Variants in PDXDC1 observed in about 807,000 individuals in gnomAD.
PDXDC1 encodes pyridoxal dependent decarboxylase domain containing 1, also known as pyridoxal-dependent decarboxylase domain-containing protein 1.
PDXDC1 carries 42 observed loss-of-function variants against 100.1 expected under a neutral mutation model. That is an observed-to-expected ratio of 0.42 (90% CI 0.33 to 0.54). The LOEUF (loss-of-function observed/expected upper bound fraction) is 0.54. Among genes scored for constraint, PDXDC1 ranks in the 20% least tolerant of loss-of-function variants. The pLI is 0.10. For synonymous variants in PDXDC1, 260 were observed against 371.7 expected (o/e 0.70, Z 3.46); for missense variants, 636 against 979.2 (o/e 0.65, Z 4.68).
intron 16 of PDXDC1, among the ~76,000 whole-genome samples, chr16:15,117,283 A>G (rs2047263835): frequency 1.3e-5 from 1 of 79,376 alleles, no homozygotes; most frequent in African/African-American, 5.2e-5. Context: ...AAATAAATAA[A>G]TAAATAAAAT....
chr16:15,057,273 C>G (rs1231135688), intron 16 of PDXDC1, among the ~76,000 whole-genome samples: 1 of 152,038 alleles, frequency 6.6e-6, no homozygotes, highest in Non-Finnish European at 1.5e-5. Flanking sequence ...CAAAATAACT[C>G]TATTTCTAGC....
At chr16:15,073,822 T>C (rs2045340740) in intron 16 of PDXDC1, among the ~76,000 whole-genome samples, 1 of 152,172 alleles carries the variant, frequency 6.6e-6, no homozygotes, top group South Asian at 2.1e-4. Context: ...TCTTGTTATG[T>C]TGCCCAGGAT....
At chr16:15,006,908 G>A (rs1597447004) in intron 6 of PDXDC1, among the ~76,000 whole-genome samples, 2 of 152,266 alleles carry the variant, frequency 1.3e-5, no homozygotes, top group African/African-American at 4.8e-5. Flanking sequence ...ATTTTTCAAA[G>A]TATAGTTTAT....
intron 1 of PDXDC1, among the ~76,000 whole-genome samples, chr16:14,978,391 A>G (rs1967179897): frequency 2.0e-5 from 3 of 152,290 alleles, no homozygotes; most frequent in African/African-American, 7.2e-5. Flanking sequence ...AAAACCTGTT[A>G]TATTATTATT....
At chr16:15,020,605 C>T (rs1451749126) in intron 12 of PDXDC1, among the ~76,000 whole-genome samples, 1 of 151,694 alleles carries the variant, frequency 6.6e-6, no homozygotes, top group African/African-American at 2.4e-5. Context: ...AGGAGAATGG[C>T]GTGAACCCAG....
chr16:14,992,944 C>T, intron 1 of PDXDC1, among the ~76,000 whole-genome samples: 1 of 152,188 alleles, frequency 6.6e-6, no homozygotes, highest in Non-Finnish European at 1.5e-5. Flanking sequence ...CTCAAACTCC[C>T]AGGCTCAAGC....
chr16:14,980,019 C>T (rs1967604126), intron 1 of PDXDC1, among the ~76,000 whole-genome samples: 1 of 152,284 alleles, frequency 6.6e-6, no homozygotes, highest in Non-Finnish European at 1.5e-5. Context: ...GTTTTGCATA[C>T]AGATGCATGG....
At chr16:14,995,478 C>T (rs1464523948) in intron 1 of PDXDC1, among the ~76,000 whole-genome samples, 1 of 152,288 alleles carries the variant, frequency 6.6e-6, no homozygotes, top group Non-Finnish European at 1.5e-5. Flanking sequence ...GCCTTGCATC[C>T]CAGGGATGAA....
At chr16:15,100,587 G>A (rs1411827028) in intron 16 of PDXDC1, among the ~76,000 whole-genome samples, 1 of 152,154 alleles carries the variant, frequency 6.6e-6, no homozygotes, top group East Asian at 1.9e-4. Context: ...GTAGATGACA[G>A]TAGCACTCCT....
intron 16 of PDXDC1, chr16:15,135,365 C>G: frequency 6.5e-7 from 1 of 1,534,320 alleles, no homozygotes; most frequent in Non-Finnish European, 8.8e-7. Flanking sequence ...CAGCCGTTCC[C>G]GTGGAATGGT....
chr16:15,093,249 C>A (rs1225625208), intron 16 of PDXDC1, among the ~76,000 whole-genome samples: 3 of 152,212 alleles, frequency 2.0e-5, no homozygotes, highest in Non-Finnish European at 2.9e-5. Context: ...GATGATCCGC[C>A]CGCCTCGGCC....
chr16:15,135,750 G>C (rs1718573352), intron 16 of PDXDC1: 7 of 1,596,512 alleles, frequency 4.4e-6, no homozygotes, highest in Middle Eastern at 4.6e-4. Context: ...ACCAGGTCCT[G>C]TGTGTCTGAC....
At chr16:14,997,049 C>G (rs1370297763) in intron 1 of PDXDC1, among the ~76,000 whole-genome samples, 2 of 152,108 alleles carry the variant, frequency 1.3e-5, no homozygotes, top group Non-Finnish European at 2.9e-5. Flanking sequence ...TTGTGGTTAC[C>G]CCCATGGGAC....
intron 16 of PDXDC1, among the ~76,000 whole-genome samples, chr16:15,122,836 GGGAGGGGAA>G (rs2047495254): frequency 8.2e-6 from 1 of 121,858 alleles, no homozygotes; most frequent in Admixed American, 8.3e-5. Context: ...GGAGGGGAAG[GGGAGGGGAA>G]GGGGAGGGGA....
intron 16 of PDXDC1, among the ~76,000 whole-genome samples, chr16:15,086,675 G>T (rs1367428858): frequency 1.3e-5 from 2 of 152,144 alleles, no homozygotes; most frequent in Admixed American, 1.3e-4. Flanking sequence ...ACAGGAGAAA[G>T]ACTTAAATGC....
chr16:15,122,451 G>C (rs2047470473), intron 16 of PDXDC1, among the ~76,000 whole-genome samples: 2 of 143,310 alleles, frequency 1.4e-5, no homozygotes, highest in Admixed American at 7.1e-5. Context: ...CTGGACTCAA[G>C]TGATCTGCCC....
chr16:15,076,698 A>T lies in PDXDC1; in HGVS notation c.1399+46642A>T, dbSNP rs763382106. 32 of 1,331,946 alleles carry T rather than the reference A, an allele frequency of 2.4e-5. No homozygotes were observed. In the East Asian group the frequency reaches 7.4e-4, roughly 31 times the overall value. The allele number at this position is 1,331,946 out of a possible 1,614,324, so 82.5% of individuals were successfully genotyped here. On this transcript the variant is annotated intron_variant, in intron 16 of 16. Coordinates refer to the PDXDC1 transcript ENST00000535621. ...AAGAATAAAAGGATTTAAAAAATAC[A>T]ACTATGTTATTTTGGGATGGAAATT...
At chr16:15,014,325 A>C (rs1460025662) in intron 8 of PDXDC1, among the ~76,000 whole-genome samples, 1 of 152,290 alleles carries the variant, frequency 6.6e-6, no homozygotes, top group Non-Finnish European at 1.5e-5. Context: ...ATATTCAATC[A>C]CATGATAAAC....
At chr16:15,095,167 G>A (rs2046309629) in intron 16 of PDXDC1, among the ~76,000 whole-genome samples, 1 of 151,980 alleles carries the variant, frequency 6.6e-6, no homozygotes, top group African/African-American at 2.4e-5. Context: ...AGGAACAGGA[G>A]TCAGCCAGAC....
Sources: gnomAD v4.1 joint callset for allele counts (sites outside exome capture counted in the v4.1 genomes callset) on GRCh38, gnomAD v4.1.1 for gene constraint, MANE v1.5 for transcripts, NCBI Gene and HGNC (gene_info 2026-07-23, HGNC 2026-07-21) for gene names.